The following DLGAP1 variants were observed in gnomAD, a reference collection of about 807,000 sequenced individuals.
DLGAP1 encodes DLG associated protein 1.
A neutral mutation model predicts 90.8 loss-of-function variants in DLGAP1; 11 were observed. The ratio of observed to expected loss-of-function variants is 0.12; its 90% CI spans 0.08 to 0.20. The LOEUF is 0.20. Among genes scored for constraint, DLGAP1 ranks in the 10% least tolerant of loss-of-function variants. DLGAP1 has a pLI of 1.00. For missense variants in DLGAP1, 1,050 were observed against 1,333.8 expected, an observed-to-expected ratio of 0.79 and a Z score of 3.31; for synonymous variants, 558 against 540.7, an observed-to-expected ratio of 1.03 and a Z score of -0.44.
intron 7 of DLGAP1, among the ~76,000 whole-genome samples, chr18:3,630,570 AATTTT>A (rs1402323036): frequency 6.6e-6 from 1 of 152,180 alleles, no homozygotes; most frequent in Non-Finnish European, 1.5e-5. Context: ...GGTATAGTCC[AATTTT>A]ATTTTATTTT....
chr18:4,411,828 G>C (rs906734596), intron 1 of DLGAP1, among the ~76,000 whole-genome samples: 2 of 152,118 alleles, frequency 1.3e-5, no homozygotes, highest in African/African-American at 4.8e-5. Flanking sequence ...ATGATGGCTG[G>C]GTTCCAAGAG....
At chr18:4,314,486 G>T (rs1005994659) in intron 1 of DLGAP1, among the ~76,000 whole-genome samples, 2 of 152,126 alleles carry the variant, frequency 1.3e-5, no homozygotes, top group African/African-American at 4.8e-5. Flanking sequence ...GCCTGGCTTT[G>T]CAATGTCAGA....
chr18:4,303,991 T>A (rs2080189754), intron 1 of DLGAP1, among the ~76,000 whole-genome samples: 1 of 152,204 alleles, frequency 6.6e-6, no homozygotes, highest in Admixed American at 6.5e-5. Context: ...CTAAGCAAAA[T>A]TATAAATATT....
At chr18:3,511,815 TTCCTTTTCA>T (rs2143893766) in intron 10 of DLGAP1, among the ~76,000 whole-genome samples, 1 of 152,332 alleles carries the variant, frequency 6.6e-6, no homozygotes, top group African/African-American at 2.4e-5. Context: ...TCCTATCCCA[TTCCTTTTCA>T]TCCCCAGAGG....
intron 3 of DLGAP1, among the ~76,000 whole-genome samples, chr18:3,898,908 T>G (rs930104824): frequency 2.0e-5 from 3 of 151,950 alleles, no homozygotes; most frequent in African/African-American, 7.3e-5. Context: ...GATAGGCCAT[T>G]TAAAGTAAAG....
intron 1 of DLGAP1, among the ~76,000 whole-genome samples, chr18:4,209,265 G>A (rs1319516543): frequency 1.3e-5 from 2 of 152,162 alleles, no homozygotes; most frequent in Non-Finnish European, 2.9e-5. Flanking sequence ...CTGCCAGGAA[G>A]ACTGAACTGG....
intron 3 of DLGAP1, among the ~76,000 whole-genome samples, chr18:3,888,134 A>AG (rs2071370100): frequency 6.9e-6 from 1 of 145,722 alleles, no homozygotes; most frequent in Non-Finnish European, 1.5e-5. Context: ...AAAAAAAAAA[A>AG]GAAGTAAACA....
intron 9 of DLGAP1, among the ~76,000 whole-genome samples, chr18:3,536,646 A>G (rs182223221): frequency 1.3e-5 from 2 of 152,318 alleles, no homozygotes; most frequent in African/African-American, 4.8e-5. Flanking sequence ...ATAGTTCTCT[A>G]TTAGGGTTCT....
At chr18:3,578,349 T>G (rs942552662) in intron 8 of DLGAP1, among the ~76,000 whole-genome samples, 1 of 151,986 alleles carries the variant, frequency 6.6e-6, no homozygotes, top group African/African-American at 2.4e-5. Context: ...AATGAATAGT[T>G]TGCGTCTTTA....
chr18:3,661,971 T>C (rs762213859), intron 7 of DLGAP1, among the ~76,000 whole-genome samples: 24 of 152,250 alleles, frequency 1.6e-4, no homozygotes, highest in Admixed American at 1.4e-3. Flanking sequence ...TCTATTAATG[T>C]AGTGGCAGAG....
chr18:3,751,895 TTTTAA>T (rs1372085714), intron 5 of DLGAP1, among the ~76,000 whole-genome samples: 267 of 144,218 alleles, frequency 1.9e-3, no homozygotes, highest in African/African-American at 6.8e-3. Context: ...TTTTTTTTTT[TTTTAA>T]TGAGATGCAG....
intron 9 of DLGAP1, among the ~76,000 whole-genome samples, chr18:3,551,599 CTT>C (rs758260720): frequency 0.2 from 10,552 of 53,132 alleles, 694 homozygotes; most frequent in East Asian, 0.41. Context: ...CTTTCTTTTT[CTT>C]TTTCTTTCTT....
At position 3,969,522 on chromosome 18, in the gene DLGAP1, GAC is replaced by G. The variant is rs201552222; in HGVS notation, c.-73+35592_-73+35593del. On this transcript the variant is annotated intron_variant, in intron 3 of 12. Transcript: ENST00000315677. ...GAAACAAAATAGATATACACAGAAA[GAC>G]AGTGGTTTAAGACCTTATTTGTAAA... is the stretch of plus-strand genomic sequence containing the variant. Among the ~76,000 whole-genome samples, 1,298 of 152,262 alleles carry G rather than the reference GAC, an allele frequency of 8.5e-3. 17 individuals are homozygous for G. Among genetic ancestry groups the G allele is most frequent in the African/African-American group, 0.03 (1,239 of 41,550 alleles).
At chr18:3,514,812 T>A (rs1342270021) in intron 10 of DLGAP1, among the ~76,000 whole-genome samples, 2 of 152,286 alleles carry the variant, frequency 1.3e-5, no homozygotes, top group East Asian at 3.9e-4. Context: ...GGAGGGAGGG[T>A]CTTGCCTCGA....
At chr18:4,306,023 C>CAAAT (rs2080246376) in intron 1 of DLGAP1, among the ~76,000 whole-genome samples, 2 of 82,414 alleles carry the variant, frequency 2.4e-5, no homozygotes, top group Admixed American at 3.4e-4. Flanking sequence ...CACACACAGA[C>CAAAT]ACACACAAAT....
At chr18:4,404,099 G>C (rs755100900) in intron 1 of DLGAP1, among the ~76,000 whole-genome samples, 5 of 152,102 alleles carry the variant, frequency 3.3e-5, no homozygotes, top group Non-Finnish European at 7.4e-5. Flanking sequence ...GGACTTTTGA[G>C]GAAGGAAAGT....
chr18:4,243,023 T>A (rs2078576184), intron 1 of DLGAP1, among the ~76,000 whole-genome samples: 1 of 152,042 alleles, frequency 6.6e-6, no homozygotes. Context: ...GGTGAGAAAG[T>A]GTCAGAAAGA....
intron 9 of DLGAP1, among the ~76,000 whole-genome samples, chr18:3,546,962 T>G (rs2053066361): frequency 7.0e-6 from 1 of 142,154 alleles, no homozygotes; most frequent in Non-Finnish European, 1.5e-5. Context: ...ATTGATAATC[T>G]TTTAGCAGAC....
chr18:3,627,292 T>G (rs1309321946), intron 7 of DLGAP1, among the ~76,000 whole-genome samples: 2 of 152,144 alleles, frequency 1.3e-5, no homozygotes, highest in African/African-American at 2.4e-5. Flanking sequence ...ACTAATACAA[T>G]GCTCTTGAGA....
Sources: gnomAD v4.1 joint callset for allele counts (sites outside exome capture counted in the v4.1 genomes callset) on GRCh38, gnomAD v4.1.1 for gene constraint, MANE v1.5 for transcripts, NCBI Gene and HGNC (gene_info 2026-07-23, HGNC 2026-07-21) for gene names.